The following DQX1 variants were observed in gnomAD, a reference collection of about 807,000 sequenced individuals.
DQX1 encodes the protein DEAQ-box RNA dependent ATPase 1, also known as ATP-dependent RNA helicase homolog DQX1.
In DQX1, 66 loss-of-function variants were observed where a neutral mutation model predicts 81.3. The observed-to-expected ratio is 0.81, with a 90% CI of 0.67 to 1.00. The LOEUF (loss-of-function observed/expected upper bound fraction) is 1.00. DQX1 is among the 50% of genes least tolerant of loss of function. DQX1 has a pLI of 0.00. For synonymous variants in DQX1, 290 were observed against 350.0 expected (o/e 0.83, Z 1.91); for missense variants, 798 against 867.9 (o/e 0.92, Z 1.01).
At position 74,523,460 on chromosome 2, in the gene DQX1, C is replaced by A. The variant is rs1253700251; in HGVS notation, c.894G>T (p.Leu298=). Residue 298 remains leucine (L), a synonymous_variant, in exon 5 of 12, where the codon CTG becomes CTT. Coordinates refer to ENST00000404568, the MANE Select transcript of DQX1 (RefSeq NM_133637.3). The part of the protein sequence containing the change: ...LLLQGLPPRV[L]PLHPDCGRAV... ...CTCGTCCACAGTCTGGGTGAAGGGGCAGTACTCGTGGTGGAAGCCCTTGGA... is the reference window on the plus strand; with the variant it reads ...CTCGTCCACAGTCTGGGTGAAGGGGAAGTACTCGTGGTGGAAGCCCTTGGA... 5 of 1,614,034 alleles carry A rather than the reference C, an allele frequency of 3.1e-6. No homozygotes were observed. The highest frequency in any genetic ancestry group is 1.3e-5 in the African/African-American group (1 of 74,972).
Position 74,524,128 on chromosome 2 carries a change from G to A in DQX1, c.611C>T (p.Thr204Ile), listed in dbSNP as rs767297942. 1 of 1,614,192 alleles carries A rather than the reference G, an allele frequency of 6.2e-7. No homozygotes were observed. Among genetic ancestry groups the A allele is most frequent in the South Asian group, 1.1e-5 (1 of 91,080 alleles). Residue 204 changes from threonine to isoleucine, a missense_variant, in exon 4 of 12, where the codon ACT becomes ATT. Thr to Ile is a moderately conservative substitution (Grantham distance 89). Coordinates refer to ENST00000404568, the MANE Select transcript of DQX1 (RefSeq NM_133637.3). ...GAGCTTAGGTTCAAGGGCTGGGTCA[G>A]TAACCACAACCACTCTGAGGTCCCC... The part of the protein sequence containing the change: ...LPGDLRVVVV[T>I]DPALEPKLRA...
chr2:74,526,112 GTC>G (rs948242148), intron 1 of DQX1, 22 bp downstream of exon 1: 6 of 211,604 alleles, frequency 2.8e-5, no homozygotes, highest in African/African-American at 1.4e-4. Flanking sequence ...GAACAGCAGA[GTC>G]ACAGGGATCC....
rs1424583442 is a variant in DQX1 at position 74,525,008 on chromosome 2, C to T, written c.431+1G>A. 4 of 1,612,646 alleles carry T rather than the reference C, an allele frequency of 2.5e-6. No homozygotes were observed. The highest frequency in any genetic ancestry group is 3.4e-6 in the Non-Finnish European group (4 of 1,179,032). ...CGGGTAAGGCCTGCAGAGGCCCCCACCTGAGCAGGGTGTTGGGCCCCGTGC... is the reference window on the plus strand; with the variant it reads ...CGGGTAAGGCCTGCAGAGGCCCCCATCTGAGCAGGGTGTTGGGCCCCGTGC... On this transcript the variant is annotated splice_donor_variant, in intron 3 of 11. Coordinates refer to ENST00000404568, the MANE Select transcript of DQX1 (RefSeq NM_133637.3). LOFTEE classifies it high-confidence loss of function. The surrounding 1 kb of genome is among the most constrained non-coding windows in gnomAD (Gnocchi z 4.1).
At position 74,525,483 on chromosome 2, in the gene DQX1, CCCA is replaced by C. The variant is rs1345945886; in HGVS notation, c.237+7_237+9del. On this transcript the variant is annotated splice_region_variant and intron_variant, in intron 2 of 11. Coordinates refer to ENST00000404568, the MANE Select transcript of DQX1 (RefSeq NM_133637.3). The surrounding 1 kb of genome is among the most constrained non-coding windows in gnomAD (Gnocchi z 4.1). ...CCAGAATCTGCCTGCCCCCACAACC[CCCA>C]CCACACCTGGGTGCTCTTGCCAGAA... 3.1e-5 allele frequency: 48 copies of C among 1,551,540 alleles called. 1 individual carries two copies. The highest frequency in any genetic ancestry group is 3.7e-5 in the Non-Finnish European group (43 of 1,146,890).
rs1453435809 is a variant in DQX1, at chr2:74,525,758, G to C, written c.-19-10C>G. On this transcript the variant is annotated splice_polypyrimidine_tract_variant and intron_variant, in intron 1 of 11. Coordinates refer to ENST00000404568, the MANE Select transcript of DQX1 (RefSeq NM_133637.3). The surrounding 1 kb of genome is among the most constrained non-coding windows in gnomAD (Gnocchi z 4.1). Reference sequence around the variant, plus strand: ...GGCTCTCTGGCAGGACCTGCAGAAGGCAGAGCAGCCAGTAAGGTCATATTT... The same window carrying C: ...GGCTCTCTGGCAGGACCTGCAGAAGCCAGAGCAGCCAGTAAGGTCATATTT... 6.5e-7 allele frequency: 1 copy of C among 1,537,952 alleles called. No individual in the cohort carries two copies. The highest frequency in any genetic ancestry group is 1.4e-5 in the African/African-American group (1 of 72,714).
intron 1 of DQX1, 135 bp downstream of exon 1, chr2:74,526,001 T>A: frequency 2.4e-6 from 1 of 423,730 alleles, no homozygotes; most frequent in Non-Finnish European, 4.3e-6. Context: ...AAATCTTACT[T>A]AGGCAGGGGT....
Position 74,519,095 on chromosome 2 carries a change from A to C in DQX1, c.1942T>G (p.Phe648Val), listed in dbSNP as rs373396304. 5.0e-6 allele frequency: 8 copies of C among 1,603,532 alleles called. No homozygotes were observed. The African/African-American group carries it at 1.1e-4, about 22-fold the overall frequency. ...RPPPWVLYHN[F>V]TISKDNCLSI... ...AGGCAGTTGTCTTTGGATATGGTGA[A>C]ATTGTGGTAGAGCACCCATGGTGGG... The change falls in exon 11 of 12, where the codon TTC (phenylalanine) becomes GTC (valine). Residue 648 changes from phenylalanine (F) to valine (V), a missense_variant. Transcript: ENST00000404568.
Position 74,524,107 on chromosome 2 carries a change from T to C in DQX1, c.632A>G (p.Lys211Arg). Residue 211 changes from lysine to arginine, a missense_variant, in exon 4 of 12, where the codon AAG (lysine) becomes AGG (arginine). Physicochemically the swap from Lys to Arg is conservative, Grantham distance 26. Coordinates refer to ENST00000404568, the MANE Select transcript of DQX1 (RefSeq NM_133637.3). ...AGGATTGCCCCAGAAAGCTCGGAGCTTAGGTTCAAGGGCTGGGTCAGTAAC... is the reference window on the plus strand; with the variant it reads ...AGGATTGCCCCAGAAAGCTCGGAGCCTAGGTTCAAGGGCTGGGTCAGTAAC... ...VVVTDPALEP[K>R]LRAFWGNPPI... is the part of the protein sequence containing the mutation. 1.2e-6 allele frequency: 2 copies of C among 1,614,134 alleles called. No individual in the cohort carries two copies. The highest frequency in any genetic ancestry group is 1.7e-6 in the Non-Finnish European group (2 of 1,180,014).
chr2:74,522,943 A>T lies in DQX1; in HGVS notation c.1216T>A (p.Cys406Ser), dbSNP rs759458187. The change falls in exon 7 of 12, where the codon TGT becomes AGT. Residue 406 changes from cysteine to serine, a missense_variant. Physicochemically the swap from Cys to Ser is moderately radical, Grantham distance 112. Transcript: ENST00000404568. The stretch of plus-strand genomic sequence containing the variant: ...ACCAGGGAGCTCAGATTCTCCTCAC[A>T]CACCCTGGGTTGTGGCAATGGTGGA... ...EAPPLPQPRV[C>S]EENLSSLVLL... The T allele has an allele frequency of 1.6e-5, 26 of 1,614,062 alleles. No individual in the cohort carries two copies. The highest frequency in any genetic ancestry group is 2.1e-5 in the Non-Finnish European group (25 of 1,180,036).
chr2:74,518,628 G>C (rs1674948092), intron 11 of DQX1, 26 bp from the exon 12 acceptor site: 1 of 1,608,160 alleles, frequency 6.2e-7, no homozygotes, highest in South Asian at 1.1e-5. Context: ...ATAATTAGAT[G>C]ATCTGCATCT....
chr2:74,519,919 T>C lies in DQX1; in HGVS notation c.1611A>G (p.Ile537Met), dbSNP rs369663123. ...SSLIQVYEAF[I>M]QSGADEAWCQ... is the part of the protein sequence containing the mutation. Reference sequence around the variant, plus strand: ...ATAAAAGGATGCAGAACTCACTTTGTATAAAGGCTTCATACACCTGGATCA... The same window carrying C: ...ATAAAAGGATGCAGAACTCACTTTGCATAAAGGCTTCATACACCTGGATCA... The change falls in exon 9 of 12, where the codon ATA becomes ATG. Residue 537 changes from isoleucine (I) to methionine (M), a missense_variant. Ile to Met is a conservative substitution (Grantham distance 10). Coordinates refer to ENST00000404568, the MANE Select transcript of DQX1 (RefSeq NM_133637.3). 2.6e-5 allele frequency: 42 copies of C among 1,613,834 alleles called. No homozygotes were observed. The highest frequency in any genetic ancestry group is 3.0e-5 in the Non-Finnish European group (35 of 1,179,904).
chr2:74,519,616 A>C lies in DQX1; in HGVS notation c.1746T>G (p.Phe582Leu). 1 of 1,614,246 alleles carries C rather than the reference A, an allele frequency of 6.2e-7. No individual in the cohort carries two copies. The highest frequency in any genetic ancestry group is 8.5e-7 in the Non-Finnish European group (1 of 1,180,038). ...RIELPLSLPA[F>L]GSEQNRRDLQ... ...GGTCTCTGCGATTCTGCTCAGAGCC[A>C]AAGGCTGGTAGGGACAAGGGAAGTT... is the stretch of plus-strand genomic sequence containing the variant. The change falls in exon 10 of 12, where the codon TTT (phenylalanine) becomes TTG (leucine). Residue 582 changes from phenylalanine to leucine, a missense_variant. Transcript: ENST00000404568.
chr2:74,521,238 C>T (rs1395282709), intron 8 of DQX1, among the ~76,000 whole-genome samples: 1 of 152,152 alleles, frequency 6.6e-6, no homozygotes, highest in Non-Finnish European at 1.5e-5. Context: ...ATAGTATTAT[C>T]TGAATCTAAG....
chr2:74,523,470 G>T lies in DQX1; in HGVS notation c.884C>A (p.Pro295Gln), dbSNP rs1288135434. Reference protein sequence around the residue: ...VESLLLQGLPPRVLPLHPDCG... With the variant: ...VESLLLQGLPQRVLPLHPDCG... ...GTCTGGGTGAAGGGGCAGTACTCGT[G>T]GTGGAAGCCCTTGGAGAAGCAAGGA... The change falls in exon 5 of 12, where the codon CCA becomes CAA. Residue 295 changes from proline to glutamine, a missense_variant. Coordinates refer to ENST00000404568, the MANE Select transcript of DQX1 (RefSeq NM_133637.3). 6.2e-7 allele frequency: 1 copy of T among 1,613,764 alleles called. No homozygotes were observed. Among genetic ancestry groups the T allele is most frequent in the Non-Finnish European group, 8.5e-7 (1 of 1,179,870 alleles).
At position 74,522,486 on chromosome 2, in the gene DQX1, C is replaced by G; in HGVS notation, c.1495+94G>C. 3.4e-6 allele frequency: 5 copies of G among 1,454,466 alleles called. 1 individual carries two copies. Among genetic ancestry groups the G allele is most frequent in the Non-Finnish European group, 4.6e-6 (5 of 1,076,408 alleles). The allele number at this position is 1,454,466 out of a possible 1,614,324, so 90.1% of individuals were successfully genotyped here. Reference sequence around the variant, plus strand: ...GCATTGTGAGGGGTGGCAACTGGAGCAGAGAGGAAAGGGCTAGCCTCAGGA... The same window carrying G: ...GCATTGTGAGGGGTGGCAACTGGAGGAGAGAGGAAAGGGCTAGCCTCAGGA... On this transcript the variant is annotated intron_variant, in intron 8 of 11. Coordinates refer to ENST00000404568, the MANE Select transcript of DQX1 (RefSeq NM_133637.3).
At chr2:74,523,559 G>A (rs745915437) in intron 4 of DQX1, 22 bp from the exon 5 acceptor site, 2 of 1,581,820 alleles carry the variant, frequency 1.3e-6, no homozygotes, top group South Asian at 1.1e-5. Context: ...GGTGGGTGGG[G>A]CATTAGGGCA....
intron 8 of DQX1, 58 bp downstream of exon 8, chr2:74,522,522 C>A: frequency 6.4e-7 from 1 of 1,558,368 alleles, no homozygotes; most frequent in South Asian, 1.2e-5. Flanking sequence ...GCACCAAAAC[C>A]CAAGAGGAAG....
intron 3 of DQX1, among the ~76,000 whole-genome samples, chr2:74,524,517 A>C (rs1675121952): frequency 6.6e-6 from 1 of 152,110 alleles, no homozygotes; most frequent in South Asian, 2.1e-4. Flanking sequence ...TGGGAAGTGA[A>C]ATTTTTCTGA....
In DQX1 at chr2:74,522,626, C is replaced by T. The variant is rs762594398; in HGVS notation, c.1449G>A (p.Glu483=). 1.9e-6 allele frequency: 3 copies of T among 1,614,192 alleles called. No homozygotes were observed. The highest frequency in any genetic ancestry group is 2.5e-6 in the Non-Finnish European group (3 of 1,180,030). ...ELAKALLASC[E]FDCVDEMLTL... ...TGAGCATCTCGTCCACACAGTCAAA[C>T]TCGCATGAGGCCAGCAGGGCTTTGG... is the stretch of plus-strand genomic sequence containing the variant. The change falls in exon 8 of 12, where the codon GAG becomes GAA. Residue 483 remains glutamate (E), a synonymous_variant. Transcript: ENST00000404568.
Sources: allele counts gnomAD v4.1 joint callset (sites outside exome capture counted in the v4.1 genomes callset), GRCh38; gene constraint gnomAD v4.1.1; non-coding constraint Gnocchi (gnomAD v3.1); transcripts MANE v1.5; gene names NCBI Gene and HGNC (gene_info 2026-07-23, HGNC 2026-07-21).